Variants in RPRD1A observed in about 807,000 individuals in gnomAD.
The protein encoded by RPRD1A is regulation of nuclear pre-mRNA domain-containing protein 1A.
In RPRD1A, 9 loss-of-function variants were observed where a neutral mutation model predicts 37.8. That is an observed-to-expected ratio of 0.24 (90% CI 0.14 to 0.42). The LOEUF (loss-of-function observed/expected upper bound fraction) is 0.42, where lower values mean the gene tolerates loss of function less well. Ranked by LOEUF, RPRD1A falls within the 10% of genes least tolerant of loss-of-function variation. The probability of loss-of-function intolerance (pLI) is 1.00; values close to 1 mark genes in which losing one functional copy is unlikely to be tolerated. For synonymous variants in RPRD1A, 138 were observed against 139.7 expected (o/e 0.99, Z 0.08); for missense variants, 255 against 371.0 (o/e 0.69, Z 2.57).
At chr18:36,065,739 T>C (rs570920550) in intron 1 of RPRD1A, among the ~76,000 whole-genome samples, 5 of 152,362 alleles carry the variant, frequency 3.3e-5, no homozygotes, top group African/African-American at 7.2e-5. Flanking sequence ...ATTATCCATA[T>C]TGTCATATTA....
chr18:36,043,699 T>C (rs1220072953), intron 1 of RPRD1A, among the ~76,000 whole-genome samples: 2 of 151,766 alleles, frequency 1.3e-5, no homozygotes, highest in Non-Finnish European at 2.9e-5. Flanking sequence ...TACAAATAAA[T>C]TGAAAGAAAT....
chr18:36,039,080 T>TG (rs1912398460), intron 1 of RPRD1A, among the ~76,000 whole-genome samples: 1 of 152,158 alleles, frequency 6.6e-6, no homozygotes, highest in Non-Finnish European at 1.5e-5. Context: ...TGGGAAAGCA[T>TG]GATTGGTTTT....
intron 6 of RPRD1A, among the ~76,000 whole-genome samples, chr18:36,004,722 G>C (rs915963845): frequency 6.6e-6 from 1 of 152,066 alleles, no homozygotes; most frequent in Non-Finnish European, 1.5e-5. Context: ...GGCCAATATG[G>C]GGAAACCCTG....
chr18:35,996,416 C>T (rs998419878), intron 6 of RPRD1A, among the ~76,000 whole-genome samples: 1 of 152,156 alleles, frequency 6.6e-6, no homozygotes, highest in African/African-American at 2.4e-5. Context: ...GCTTTAAAAA[C>T]TGAAGATAAC....
At chr18:36,061,925 C>A (rs1209888272) in intron 1 of RPRD1A, among the ~76,000 whole-genome samples, 2 of 152,138 alleles carry the variant, frequency 1.3e-5, no homozygotes, top group Non-Finnish European at 2.9e-5. Flanking sequence ...TCATGAGATA[C>A]CACTTCATAC....
intron 6 of RPRD1A, among the ~76,000 whole-genome samples, chr18:36,001,813 G>T (rs1051554344): frequency 2.4e-4 from 36 of 152,232 alleles, no homozygotes; most frequent in African/African-American, 8.4e-4. Context: ...AACATTTCTC[G>T]TCCTTGTTAT....
chr18:36,015,536 C>T (rs1419166162), intron 6 of RPRD1A, among the ~76,000 whole-genome samples: 4 of 152,138 alleles, frequency 2.6e-5, no homozygotes, highest in Non-Finnish European at 5.9e-5. Context: ...CAGTCCATAG[C>T]AGCATTATTC....
chr18:36,012,910 T>A (rs1270812292), intron 6 of RPRD1A, among the ~76,000 whole-genome samples: 2 of 152,248 alleles, frequency 1.3e-5, no homozygotes, highest in Non-Finnish European at 2.9e-5. Flanking sequence ...CTACAAGACT[T>A]TGCCAAACTC....
intron 1 of RPRD1A, chr18:36,063,977 T>C (rs1322604572): frequency 6.6e-6 from 1 of 152,282 alleles, no homozygotes; most frequent in African/African-American, 2.4e-5. Flanking sequence ...CTTAAACATA[T>C]GGAAACATCA....
chr18:36,016,140 A>G (rs1361775356), intron 6 of RPRD1A, among the ~76,000 whole-genome samples: 2 of 152,266 alleles, frequency 1.3e-5, no homozygotes, highest in Admixed American at 1.3e-4. Context: ...TGTCCTCCAC[A>G]GAGTGGACCA....
chr18:35,993,631 T>C (rs1406144185), intron 6 of RPRD1A, among the ~76,000 whole-genome samples: 1 of 152,192 alleles, frequency 6.6e-6, no homozygotes, highest in Non-Finnish European at 1.5e-5. Context: ...AAACCTTAAC[T>C]AAAATTTGGC....
At chr18:36,024,149 G>A (rs1206476701) in intron 6 of RPRD1A, among the ~76,000 whole-genome samples, 1 of 151,350 alleles carries the variant, frequency 6.6e-6, no homozygotes, top group African/African-American at 2.4e-5. Context: ...GTGTGTGTGT[G>A]TGCACGCGCA....
intron 6 of RPRD1A, among the ~76,000 whole-genome samples, chr18:36,021,864 G>A (rs1418075836): frequency 6.6e-6 from 1 of 152,084 alleles, no homozygotes; most frequent in East Asian, 1.9e-4. Context: ...AGCCAGGCAT[G>A]GTATCACATG....
chr18:36,015,144 A>T (rs1781182077), intron 6 of RPRD1A, among the ~76,000 whole-genome samples: 1 of 127,746 alleles, frequency 7.8e-6, no homozygotes, highest in Non-Finnish European at 1.7e-5. Flanking sequence ...ACACACACAC[A>T]CACACACACA....
chr18:36,039,302 C>A (rs1912420322), intron 1 of RPRD1A, among the ~76,000 whole-genome samples: 2 of 152,202 alleles, frequency 1.3e-5, no homozygotes, highest in Non-Finnish European at 2.9e-5. Flanking sequence ...TACCCAGTCT[C>A]AGTTCTTTAT....
chr18:36,052,187 T>G (rs558490856), intron 1 of RPRD1A, among the ~76,000 whole-genome samples: 1 of 149,684 alleles, frequency 6.7e-6, no homozygotes, highest in East Asian at 1.9e-4. Flanking sequence ...AACCAAGATT[T>G]TATACTTAGC....
chr18:36,009,210 A>G (rs778821903), intron 6 of RPRD1A, among the ~76,000 whole-genome samples: 2 of 152,154 alleles, frequency 1.3e-5, no homozygotes, highest in Non-Finnish European at 2.9e-5. Flanking sequence ...AGTAGGATGG[A>G]AAAGATTCAA....
intron 1 of RPRD1A, among the ~76,000 whole-genome samples, chr18:36,050,553 A>C (rs189869801): frequency 6.6e-6 from 1 of 152,324 alleles, no homozygotes; most frequent in African/African-American, 2.4e-5. Flanking sequence ...TCAACAAAAA[A>C]CAACTCAATT....
chr18:36,064,508 A>G (rs1000054492), intron 1 of RPRD1A: 3 of 152,298 alleles, frequency 2.0e-5, no homozygotes, highest in African/African-American at 7.2e-5. Flanking sequence ...AAACGCACCA[A>G]TCAGTGCTCT....
Sources: gnomAD v4.1 joint callset for allele counts (sites outside exome capture counted in the v4.1 genomes callset) on GRCh38, gnomAD v4.1.1 for gene constraint, MANE v1.5 for transcripts, NCBI Gene and HGNC (gene_info 2026-07-23, HGNC 2026-07-21) for gene names.